Variants in CFAP95 observed in about 807,000 individuals in gnomAD.
CFAP95 encodes cilia- and flagella-associated protein 95.
chr9:69,841,164 TTATA>T, the CFAP95 span, among the ~76,000 whole-genome samples: 2,889 of 56,024 alleles, frequency 0.052, 178 homozygotes, highest in African/African-American at 0.11. Flanking sequence ...CCAAGCTGGA[TTATA>T]TATATATATA....
the CFAP95 span, among the ~76,000 whole-genome samples, chr9:69,843,354 A>G: frequency 6.6e-6 from 1 of 151,882 alleles, no homozygotes; most frequent in Non-Finnish European, 1.5e-5. Flanking sequence ...TTCACTCAAG[A>G]AAGTTCTATT....
chr9:69,829,006 T>C, the CFAP95 span, among the ~76,000 whole-genome samples: 28 of 152,356 alleles, frequency 1.8e-4, no homozygotes, highest in African/African-American at 6.7e-4. Flanking sequence ...CATGGTTTAT[T>C]ATGAGCCTTT....
chr9:69,849,690 T>C, the CFAP95 span, among the ~76,000 whole-genome samples: 2 of 152,108 alleles, frequency 1.3e-5, no homozygotes, highest in African/African-American at 2.4e-5. Flanking sequence ...AAAGGAACCA[T>C]CTCTTGGCAG....
At chr9:69,905,622 A>G in the CFAP95 span, among the ~76,000 whole-genome samples, 87 of 149,000 alleles carry the variant, frequency 5.8e-4, 1 homozygote, top group African/African-American at 1.1e-3. Context: ...ATTGTAATTA[A>G]ATTATAATTG....
At chr9:69,852,720 T>A in the CFAP95 span, among the ~76,000 whole-genome samples, 4 of 152,142 alleles carry the variant, frequency 2.6e-5, no homozygotes, top group Non-Finnish European at 4.4e-5. Flanking sequence ...TTGCTCTGTG[T>A]CCCCACCCAA....
the CFAP95 span, chr9:69,844,519 A>G: frequency 6.3e-7 from 1 of 1,591,794 alleles, no homozygotes; most frequent in Non-Finnish European, 8.5e-7. Flanking sequence ...TTCTTAAGGC[A>G]CCGTGACAGA....
the CFAP95 span, among the ~76,000 whole-genome samples, chr9:69,833,091 G>A: frequency 6.6e-6 from 1 of 151,984 alleles, no homozygotes; most frequent in Admixed American, 6.6e-5. Context: ...TATTCACCAA[G>A]TTGTGCATCC....
the CFAP95 span, among the ~76,000 whole-genome samples, chr9:69,827,651 T>C: frequency 6.6e-6 from 1 of 152,184 alleles, no homozygotes; most frequent in Non-Finnish European, 1.5e-5. Context: ...GCTCGCCTCA[T>C]CCTGGTCCAA....
At chr9:69,822,576 G>A in the CFAP95 span, among the ~76,000 whole-genome samples, 2 of 152,204 alleles carry the variant, frequency 1.3e-5, no homozygotes, top group Non-Finnish European at 2.9e-5. Context: ...ACAGAGATTT[G>A]AGTCATACCA....
the CFAP95 span, among the ~76,000 whole-genome samples, chr9:69,866,084 A>G: frequency 3.9e-5 from 6 of 152,180 alleles, no homozygotes; most frequent in Non-Finnish European, 8.8e-5. Context: ...TGCTTCTCTC[A>G]ATAATAGGCC....
chr9:69,856,849 C>A, the CFAP95 span, among the ~76,000 whole-genome samples: 1 of 151,412 alleles, frequency 6.6e-6, no homozygotes, highest in African/African-American at 2.4e-5. Flanking sequence ...AGTTTCTTTT[C>A]GTCAATTGTT....
the CFAP95 span, among the ~76,000 whole-genome samples, chr9:69,845,183 A>G: frequency 6.6e-6 from 1 of 152,204 alleles, no homozygotes; most frequent in Non-Finnish European, 1.5e-5. Flanking sequence ...TCCAGTTACA[A>G]GAAAAATATT....
chr9:69,843,568 T>C, the CFAP95 span, among the ~76,000 whole-genome samples: 17 of 23,398 alleles, frequency 7.3e-4, 1 homozygote, highest in African/African-American at 3.2e-3. Flanking sequence ...CTTCTTCTTC[T>C]TCTTCTTCTT....
At chr9:69,820,989 CCCATCA>C in the CFAP95 span, 2 of 1,613,860 alleles carry the variant, frequency 1.2e-6, no homozygotes, top group Non-Finnish European at 1.7e-6. Context: ...ACCCTCCGCT[CCCATCA>C]CAAGAAATAC....
At chr9:69,855,661 G>A in the CFAP95 span, among the ~76,000 whole-genome samples, 134 of 152,236 alleles carry the variant, frequency 8.8e-4, 2 homozygotes, top group Middle Eastern at 3.4e-3. Context: ...AGTAGACCAG[G>A]AAACCAGCAC....
At chr9:69,827,098 G>C in the CFAP95 span, among the ~76,000 whole-genome samples, 3 of 152,182 alleles carry the variant, frequency 2.0e-5, no homozygotes, top group Admixed American at 6.5e-5. Flanking sequence ...AGCTAAGCTT[G>C]TGCTGTTCCT....
At chr9:69,883,207 C>T in the CFAP95 span, among the ~76,000 whole-genome samples, 26 of 152,120 alleles carry the variant, frequency 1.7e-4, no homozygotes, top group Non-Finnish European at 3.5e-4. Context: ...GAGAATAAAC[C>T]TGAGAGGGGC....
the CFAP95 span, among the ~76,000 whole-genome samples, chr9:69,887,421 A>G: frequency 6.6e-6 from 1 of 152,258 alleles, no homozygotes; most frequent in Admixed American, 6.5e-5. Flanking sequence ...AACTATTGGT[A>G]AAGAAGAGAA....
At chr9:69,860,320 T>C in the CFAP95 span, among the ~76,000 whole-genome samples, 1 of 152,050 alleles carries the variant, frequency 6.6e-6, no homozygotes, top group Non-Finnish European at 1.5e-5. Flanking sequence ...GAATGTCACA[T>C]GGCAACAGTG....
Sources: gnomAD v4.1 joint callset for allele counts (sites outside exome capture counted in the v4.1 genomes callset) on GRCh38, gnomAD v4.1.1 for gene constraint, MANE v1.5 for transcripts, NCBI Gene and HGNC (gene_info 2026-07-23, HGNC 2026-07-21) for gene names.